Variants in ZMAT4 observed in about 807,000 individuals in gnomAD.
ZMAT4 encodes the protein zinc finger matrin-type protein 4.
A neutral mutation model predicts 28.7 loss-of-function variants in ZMAT4; 17 were observed. The ratio of observed to expected loss-of-function variants is 0.59; its 90% CI spans 0.41 to 0.89. The LOEUF (loss-of-function observed/expected upper bound fraction) is 0.89, where lower values mean the gene tolerates loss of function less well. Among genes scored for constraint, ZMAT4 ranks in the 40% least tolerant of loss-of-function variants. The probability of loss-of-function intolerance (pLI) is 0.00; values close to 1 mark genes in which losing one functional copy is unlikely to be tolerated. For missense variants in ZMAT4, 240 were observed against 283.8 expected, an observed-to-expected ratio of 0.85 and a Z score of 1.11; for synonymous variants, 117 against 109.2, an observed-to-expected ratio of 1.07 and a Z score of -0.44.
At chr8:40,704,485 C>T (rs1400361361) in intron 3 of ZMAT4, among the ~76,000 whole-genome samples, 1 of 152,210 alleles carries the variant, frequency 6.6e-6, no homozygotes, top group African/African-American at 2.4e-5. Context: ...TTCCTGACCT[C>T]TCCCAGTCCT....
chr8:40,827,214 C>T (rs1431294309), intron 1 of ZMAT4, among the ~76,000 whole-genome samples: 1 of 152,108 alleles, frequency 6.6e-6, no homozygotes, highest in African/African-American at 2.4e-5. Flanking sequence ...ACCTCAGTTT[C>T]CCCCATATAA....
chr8:40,742,192 G>A (rs1010074181), intron 3 of ZMAT4, among the ~76,000 whole-genome samples: 1 of 151,916 alleles, frequency 6.6e-6, no homozygotes, highest in Non-Finnish European at 1.5e-5. Context: ...AGGTTGCAGT[G>A]AGCCGTGATC....
chr8:40,878,317 A>T (rs1179642146), intron 1 of ZMAT4, among the ~76,000 whole-genome samples: 1 of 152,144 alleles, frequency 6.6e-6, no homozygotes, highest in African/African-American at 2.4e-5. Flanking sequence ...CATCTCACAG[A>T]TGATGGTGTT....
At chr8:40,768,127 C>T (rs1462741134) in intron 2 of ZMAT4, among the ~76,000 whole-genome samples, 1 of 152,158 alleles carries the variant, frequency 6.6e-6, no homozygotes, top group African/African-American at 2.4e-5. Flanking sequence ...GGGGACAATG[C>T]CTCCTTGGGA....
At position 40,769,942 on chromosome 8, in the gene ZMAT4, T is replaced by A. The variant is rs375982526; in HGVS notation, c.103-2212A>T. ...GGAAAATAAATGCCAAGCTCTGATA[T>A]GAAGCCATTAGTGATGTGAGATGTT... On this transcript the variant is annotated intron_variant, in intron 2 of 6. Coordinates refer to ENST00000297737, the MANE Select transcript of ZMAT4 (RefSeq NM_024645.3). 3.8e-4 allele frequency among the ~76,000 whole-genome samples: 58 copies of A among 152,286 alleles called. No homozygotes were observed. The East Asian group carries it at 9.9e-3, about 26-fold the overall frequency.
intron 2 of ZMAT4, among the ~76,000 whole-genome samples, chr8:40,799,162 G>GATGA (rs1814724450): frequency 6.6e-6 from 1 of 151,970 alleles, no homozygotes; most frequent in South Asian, 2.1e-4. Context: ...TGGCTGGATG[G>GATGA]ATGGATGAAT....
intron 2 of ZMAT4, among the ~76,000 whole-genome samples, chr8:40,806,053 C>T (rs955692204): frequency 6.6e-6 from 1 of 151,986 alleles, no homozygotes; most frequent in Non-Finnish European, 1.5e-5. Context: ...TAATTGTTAT[C>T]ACGAAAAAGG....
chr8:40,661,849 G>A (rs952515432), intron 5 of ZMAT4, among the ~76,000 whole-genome samples: 1 of 152,168 alleles, frequency 6.6e-6, no homozygotes, highest in Non-Finnish European at 1.5e-5. Flanking sequence ...GAGATATTTA[G>A]TCAACACCCA....
chr8:40,786,237 T>A (rs1814074258), intron 2 of ZMAT4, among the ~76,000 whole-genome samples: 1 of 152,150 alleles, frequency 6.6e-6, no homozygotes, highest in African/African-American at 2.4e-5. Flanking sequence ...CTAATCTTAC[T>A]CCTCTCTGCT....
chr8:40,797,747 T>A (rs1563490990), intron 2 of ZMAT4, among the ~76,000 whole-genome samples: 1 of 152,194 alleles, frequency 6.6e-6, no homozygotes, highest in African/African-American at 2.4e-5. Flanking sequence ...ATGGAAATGT[T>A]GCCACCAGTA....
rs760349043 is a variant in ZMAT4, at chr8:40,581,194, G to A, written c.645C>T (p.Ala215=). 4 of 1,613,346 alleles carry A rather than the reference G, an allele frequency of 2.5e-6. No homozygotes were observed. The highest frequency in any genetic ancestry group is 1.7e-4 in the Middle Eastern group (1 of 6,052). ...TCTGGTGTTTAGATCCTTTCAGATG[G>A]GCATGATACTGTTCTATTGAGTTTA... ...VSLNSIEQYH[A]HLKGSKHQTN... The change falls in exon 6 of 7, where the codon GCC becomes GCT. Residue 215 remains alanine (A), a synonymous_variant. Transcript: ENST00000297737.
chr8:40,597,335 A>C (rs537317807), intron 5 of ZMAT4, among the ~76,000 whole-genome samples: 3 of 152,260 alleles, frequency 2.0e-5, no homozygotes, highest in Non-Finnish European at 4.4e-5. Flanking sequence ...TTGTGTTGAC[A>C]ATTGTCTAGT....
chr8:40,895,299 C>G (rs1468499648), intron 1 of ZMAT4, among the ~76,000 whole-genome samples: 1 of 152,186 alleles, frequency 6.6e-6, no homozygotes, highest in East Asian at 1.9e-4. Context: ...TTCATCGGTC[C>G]TTGCATACAC....
intron 3 of ZMAT4, among the ~76,000 whole-genome samples, chr8:40,741,446 C>CAAA (rs34475226): frequency 1.7e-5 from 2 of 118,424 alleles, no homozygotes; most frequent in African/African-American, 3.2e-5. Flanking sequence ...AAGTCTGTCT[C>CAAA]AAAAAAAAAA....
At chr8:40,680,164 C>T (rs1809093460) in intron 4 of ZMAT4, among the ~76,000 whole-genome samples, 1 of 152,102 alleles carries the variant, frequency 6.6e-6, no homozygotes, top group African/African-American at 2.4e-5. Context: ...CTGGGGTGGC[C>T]TATATCTGTA....
intron 2 of ZMAT4, among the ~76,000 whole-genome samples, chr8:40,810,439 G>A (rs751053381): frequency 2.0e-5 from 3 of 152,132 alleles, no homozygotes; most frequent in Non-Finnish European, 4.4e-5. Flanking sequence ...GCACATGTGG[G>A]AATTAACACA....
chr8:40,553,126 C>G (rs532095638), intron 6 of ZMAT4, among the ~76,000 whole-genome samples: 5 of 152,078 alleles, frequency 3.3e-5, no homozygotes, highest in African/African-American at 1.2e-4. Context: ...ACTGGCCACC[C>G]TGGAAAATGT....
chr8:40,635,852 A>G (rs985591237), intron 5 of ZMAT4, among the ~76,000 whole-genome samples: 1 of 152,210 alleles, frequency 6.6e-6, no homozygotes, highest in Non-Finnish European at 1.5e-5. Context: ...CTGAAAGGCA[A>G]CATTTTAAAA....
At chr8:40,820,318 ATG>A (rs1790513598) in intron 2 of ZMAT4, among the ~76,000 whole-genome samples, 1 of 141,454 alleles carries the variant, frequency 7.1e-6, no homozygotes, top group African/African-American at 2.6e-5. Context: ...GTGGGTCTTT[ATG>A]TGTGTATATG....
Sources: gnomAD v4.1 joint callset for allele counts (sites outside exome capture counted in the v4.1 genomes callset) on GRCh38, gnomAD v4.1.1 for gene constraint, MANE v1.5 for transcripts, NCBI Gene and HGNC (gene_info 2026-07-23, HGNC 2026-07-21) for gene names.